ITLN2: variants seen among roughly 807,000 people sequenced by gnomAD.
The protein encoded by ITLN2 is intelectin-2.
ITLN2 carries 29 observed loss-of-function variants against 39.4 expected under a neutral mutation model. That is an observed-to-expected ratio of 0.74 (90% CI 0.55 to 1.00). ITLN2 has a LOEUF of 1.00. Ranked by LOEUF, ITLN2 falls within the 50% of genes least tolerant of loss-of-function variation. ITLN2 has a pLI of 0.00. For missense variants in ITLN2, 412 were observed against 416.7 expected (o/e 0.99, Z 0.10); for synonymous variants, 156 against 153.4 (o/e 1.02, Z -0.12).
At chr1:160,946,384 C>A (rs1006192224) in intron 7 of ITLN2, among the ~76,000 whole-genome samples, 1 of 151,958 alleles carries the variant, frequency 6.6e-6, no homozygotes. Flanking sequence ...ATCTACTACT[C>A]CAAACTTTGT....
At chr1:160,948,972 C>T (rs1045178872) in intron 6 of ITLN2, 1 of 152,200 alleles carries the variant, frequency 6.6e-6, no homozygotes, top group African/African-American at 2.4e-5. Flanking sequence ...GGACCCGCAC[C>T]AGCACCAGTC....
chr1:160,952,529 A>G, intron 3 of ITLN2, 91 bp downstream of exon 3: 2 of 871,934 alleles, frequency 2.3e-6, no homozygotes, highest in South Asian at 1.4e-5. Context: ...CAGGCTCCAT[A>G]TGGATATGTC....
chr1:160,948,960 G>C (rs1348222053), intron 6 of ITLN2: 1 of 152,202 alleles, frequency 6.6e-6, no homozygotes, highest in Admixed American at 6.5e-5. Flanking sequence ...TCAGCATAAG[G>C]AGGACCCGCA....
rs1400512255 is a variant in ITLN2 at position 160,950,636 on chromosome 1, A to C, written c.517T>G (p.Trp173Gly). 1.2e-6 allele frequency: 2 copies of C among 1,614,202 alleles called. No homozygotes were observed. Among genetic ancestry groups the C allele is most frequent in the East Asian group, 2.2e-5 (1 of 44,884 alleles). ...TACCTCAGCAGGGCGCTGTTTCTCC[A>C]ATGCTGCATGGGGGACTTGTTGGGC... ...HVPNKSPMQH[W>G]RNSALLRYRT... The change falls in exon 5 of 8, where the codon TGG becomes GGG. Residue 173 changes from tryptophan (W) to glycine (G), a missense_variant. Trp to Gly is a radical substitution (Grantham distance 184). Coordinates refer to ENST00000368029, the MANE Select transcript of ITLN2 (RefSeq NM_080878.3).
In ITLN2 at chr1:160,952,632, G is replaced by A. The variant is rs1570976434; in HGVS notation, c.181C>T (p.His61Tyr). ...RSCKEIKERCHSAGDGLYFLR... is the reference protein window; with the variant it reads ...RSCKEIKERCYSAGDGLYFLR... ...GTTCATTACTCACCACCTGCACTAT[G>A]GCAGCGTTCCTTGATTTCTTTGCAG... is the stretch of plus-strand genomic sequence containing the variant. Residue 61 changes from histidine to tyrosine, a missense_variant, in exon 3 of 8, where the codon CAT becomes TAT. Physicochemically the swap from His to Tyr is moderately conservative, Grantham distance 83 (BLOSUM62 2). Coordinates refer to ENST00000368029, the MANE Select transcript of ITLN2 (RefSeq NM_080878.3). 1.2e-6 allele frequency: 2 copies of A among 1,612,546 alleles called. No homozygotes were observed. The highest frequency in any genetic ancestry group is 3.3e-5 in the Admixed American group (2 of 60,016).
At chr1:160,946,157 A>C (rs1671595046) in intron 7 of ITLN2, among the ~76,000 whole-genome samples, 2 of 151,888 alleles carry the variant, frequency 1.3e-5, no homozygotes, top group Non-Finnish European at 2.9e-5. Context: ...AAAAATACAA[A>C]AAAATTAGCC....
intron 2 of ITLN2, among the ~76,000 whole-genome samples, chr1:160,953,959 A>C (rs1219754424): frequency 6.6e-6 from 1 of 152,204 alleles, no homozygotes; most frequent in African/African-American, 2.4e-5. Flanking sequence ...CTGGAAGAAT[A>C]GAATTGTGAG....
chr1:160,945,349 G>A, intron 7 of ITLN2, 57 bp from the exon 8 acceptor site: 1 of 1,467,870 alleles, frequency 6.8e-7, no homozygotes, highest in Non-Finnish European at 9.0e-7. Context: ...TGACACCAGT[G>A]AGCGCAAGGC....
intron 6 of ITLN2, chr1:160,949,186 C>A (rs1671676974): frequency 6.6e-6 from 1 of 152,102 alleles, no homozygotes; most frequent in South Asian, 2.1e-4. Flanking sequence ...AGCAGTATTG[C>A]CGCCAGCATG....
At chr1:160,953,176 C>T (rs1451160860) in intron 2 of ITLN2, among the ~76,000 whole-genome samples, 1 of 151,986 alleles carries the variant, frequency 6.6e-6, no homozygotes, top group Non-Finnish European at 1.5e-5. Context: ...GGAGAGTACA[C>T]CCCAGGAAGA....
Position 160,952,729 on chromosome 1 carries a change from T to C in ITLN2, c.84A>G (p.Ala28=), listed in dbSNP as rs1302016557. 8 of 1,611,920 alleles carry C rather than the reference T, an allele frequency of 5.0e-6. No homozygotes were observed. The highest frequency in any genetic ancestry group is 6.8e-6 in the Non-Finnish European group (8 of 1,178,478). ...SVATSGCSAA[A]ASSLEMLSRE... Reference sequence around the variant, plus strand: ...TCGAGAGCATCTCAAGAGAAGAGGCTGCTGCTAGAAAATGTGAGAATGAGT... The same window carrying C: ...TCGAGAGCATCTCAAGAGAAGAGGCCGCTGCTAGAAAATGTGAGAATGAGT... The change falls in exon 3 of 8, where the codon GCA becomes GCG. Residue 28 remains alanine, a synonymous_variant. Coordinates refer to ENST00000368029, the MANE Select transcript of ITLN2 (RefSeq NM_080878.3).
At chr1:160,950,924 C>G in intron 4 of ITLN2, 119 bp downstream of exon 4, 1 of 1,567,062 alleles carries the variant, frequency 6.4e-7, no homozygotes. Context: ...TCCTGTATTT[C>G]TCTCTTCTTC....
chr1:160,947,299 A>G (rs1449144465), intron 7 of ITLN2, among the ~76,000 whole-genome samples: 1 of 152,216 alleles, frequency 6.6e-6, no homozygotes, highest in African/African-American at 2.4e-5. Flanking sequence ...CTGCCAGCAT[A>G]TCTCGCCTCC....
intron 5 of ITLN2, among the ~76,000 whole-genome samples, 160 bp from the exon 6 acceptor site, chr1:160,950,326 C>T (rs1196220864): frequency 6.6e-6 from 1 of 152,184 alleles, no homozygotes; most frequent in East Asian, 1.9e-4. Flanking sequence ...CCCCAAACCC[C>T]TTGTCCCTGT....
Position 160,950,655 on chromosome 1 carries a change from G to A in ITLN2, c.498C>T (p.Asn166=). The change falls in exon 5 of 8, where the codon AAC becomes AAT. Residue 166 remains asparagine, a synonymous_variant. Coordinates refer to ENST00000368029, the MANE Select transcript of ITLN2 (RefSeq NM_080878.3). Reference sequence around the variant, plus strand: ...TTCTCCAATGCTGCATGGGGGACTTGTTGGGCACATGCCAGATGCCCAGGT... The same window carrying A: ...TTCTCCAATGCTGCATGGGGGACTTATTGGGCACATGCCAGATGCCCAGGT... ...AKDLGIWHVP[N]KSPMQHWRNS... is the part of the protein sequence containing the mutation. The A allele has an allele frequency of 1.2e-6, 2 of 1,614,170 alleles. No individual in the cohort carries two copies. Among genetic ancestry groups the A allele is most frequent in the Non-Finnish European group, 1.7e-6 (2 of 1,180,018 alleles).
At position 160,954,771 on chromosome 1, in the gene ITLN2, CT is replaced by C; in HGVS notation, c.-31del. Reference sequence around the variant, plus strand: ...ACAGATGCCAGGAGCTGATAGTTCCCTTCCTGTGGACACTCGGAGCTCCCCT... The same window carrying C: ...ACAGATGCCAGGAGCTGATAGTTCCCTCCTGTGGACACTCGGAGCTCCCCT... On this transcript the variant is annotated 5_prime_UTR_variant, in exon 1 of 8. Transcript: ENST00000368029. The C allele has an allele frequency of 6.2e-7, 1 of 1,613,412 alleles. No individual in the cohort carries two copies. The highest frequency in any genetic ancestry group is 1.1e-5 in the South Asian group (1 of 90,926).
At chr1:160,950,529 C>A (rs2101939221) in intron 5 of ITLN2, 24 bp downstream of exon 5, 1 of 1,608,772 alleles carries the variant, frequency 6.2e-7, no homozygotes, top group South Asian at 1.1e-5. Flanking sequence ...AAGAAAGTGC[C>A]CCCCAGCCAG....
rs200257125 is a variant in ITLN2, at chr1:160,945,115, C to T, written c.*25G>A. On this transcript the variant is annotated 3_prime_UTR_variant, in exon 8 of 8. Coordinates refer to ENST00000368029, the MANE Select transcript of ITLN2 (RefSeq NM_080878.3). ...TAGCCGGGGTTGGAAGATGGGTTCTCGCCCTGACACCGCAGAGCTCTGTCT... is the reference window on the plus strand; with the variant it reads ...TAGCCGGGGTTGGAAGATGGGTTCTTGCCCTGACACCGCAGAGCTCTGTCT... 5.5e-5 allele frequency: 85 copies of T among 1,550,896 alleles called. No individual in the cohort carries two copies. The highest frequency in any genetic ancestry group is 6.8e-5 in the Non-Finnish European group (79 of 1,160,448).
In ITLN2 at chr1:160,945,180, C is replaced by T. The variant is rs201998514; in HGVS notation, c.938G>A (p.Arg313Gln). The T allele has an allele frequency of 3.9e-4, 620 of 1,606,428 alleles. 2 individuals carry two copies. The highest frequency in any genetic ancestry group is 1.5e-4 in the Non-Finnish European group (171 of 1,178,056). The stretch of plus-strand genomic sequence containing the variant: ...GAGTACAGCCGCCTCCGTTATCTCC[C>T]GACTGCAGCTGCTCTTAACGTGAGT... ...YGTHVKSSCS[R>Q]EITEAAVLLF... The change falls in exon 8 of 8, where the codon CGG becomes CAG. Residue 313 changes from arginine (R) to glutamine (Q), a missense_variant. Coordinates refer to ENST00000368029, the MANE Select transcript of ITLN2 (RefSeq NM_080878.3).
Sources: gnomAD v4.1 joint callset for allele counts (sites outside exome capture counted in the v4.1 genomes callset) on GRCh38, gnomAD v4.1.1 for gene constraint, MANE v1.5 for transcripts, NCBI Gene and HGNC (gene_info 2026-07-23, HGNC 2026-07-21) for gene names.